CCSER1: variants seen among roughly 807,000 people sequenced by gnomAD.
The protein encoded by CCSER1 is coiled-coil serine rich protein 1, also known as serine-rich coiled-coil domain-containing protein 1.
CCSER1 carries 41 observed loss-of-function variants against 82.0 expected under a neutral mutation model. That is an observed-to-expected ratio of 0.50 (90% CI 0.39 to 0.65). The LOEUF (loss-of-function observed/expected upper bound fraction) is 0.65. CCSER1 is among the 30% of genes least tolerant of loss of function. The pLI, the probability that CCSER1 is intolerant of heterozygous loss-of-function variation, is 0.00. For synonymous variants in CCSER1, 414 were observed against 383.9 expected, an observed-to-expected ratio of 1.08 and a Z score of -0.92; for missense variants, 1,119 against 1,064.2, an observed-to-expected ratio of 1.05 and a Z score of -0.72.
chr4:91,406,073 T>C (rs1203931000), intron 10 of CCSER1, among the ~76,000 whole-genome samples: 4 of 152,112 alleles, frequency 2.6e-5, no homozygotes, highest in Admixed American at 2.6e-4. Flanking sequence ...ATTATTAACA[T>C]AGATAATAAT....
chr4:91,087,895 A>G (rs1723542999), intron 10 of CCSER1, among the ~76,000 whole-genome samples: 1 of 152,128 alleles, frequency 6.6e-6, no homozygotes, highest in Non-Finnish European at 1.5e-5. Flanking sequence ...TTCTAAGATA[A>G]GAAACTTCAG....
At chr4:90,452,652 T>C (rs1319605358) in intron 4 of CCSER1, among the ~76,000 whole-genome samples, 2 of 152,172 alleles carry the variant, frequency 1.3e-5, no homozygotes, top group Non-Finnish European at 2.9e-5. Context: ...CATCTCCTCA[T>C]TGGGAAGTCT....
intron 9 of CCSER1, among the ~76,000 whole-genome samples, chr4:90,975,766 G>A (rs998869100): frequency 9.3e-5 from 14 of 151,204 alleles, no homozygotes; most frequent in African/African-American, 3.4e-4. Context: ...TATTAGCAAT[G>A]TGTTTGTTTA....
At chr4:91,435,569 G>A (rs535147661) in intron 10 of CCSER1, among the ~76,000 whole-genome samples, 5 of 152,094 alleles carry the variant, frequency 3.3e-5, no homozygotes, top group Admixed American at 2.0e-4. Context: ...AAAAGATTTC[G>A]GCACCATCTA....
intron 4 of CCSER1, among the ~76,000 whole-genome samples, chr4:90,416,942 A>C (rs1755891142): frequency 2.0e-5 from 3 of 152,186 alleles, no homozygotes; most frequent in Admixed American, 2.0e-4. Context: ...CAAACTTAAC[A>C]CAGGAACAGA....
At chr4:90,860,185 G>C (rs1409201759) in intron 8 of CCSER1, among the ~76,000 whole-genome samples, 2 of 151,184 alleles carry the variant, frequency 1.3e-5, no homozygotes, top group African/African-American at 4.9e-5. Flanking sequence ...TTTTAAAATG[G>C]GCATACCATT....
rs546776713 is a variant in CCSER1, at chr4:91,604,975, T to A, written c.*5918T>A. ...CCATTTTTAAGGAAAAAATACACCC[T>A]GTATGATACATTCTTAGATATATGG... On this transcript the variant is annotated 3_prime_UTR_variant, in exon 11 of 11. Transcript: ENST00000509176. 1.3e-5 allele frequency: 2 copies of A among 152,080 alleles called. No individual in the cohort carries two copies. Among genetic ancestry groups the A allele is most frequent in the Non-Finnish European group, 2.9e-5 (2 of 67,918 alleles). The allele number at this position is 152,080 out of a possible 1,614,324, so 9.4% of individuals were successfully genotyped here.
intron 10 of CCSER1, among the ~76,000 whole-genome samples, chr4:91,474,043 T>A (rs1322209059): frequency 6.6e-6 from 1 of 152,104 alleles, no homozygotes; most frequent in Non-Finnish European, 1.5e-5. Flanking sequence ...ATGTTCTAGA[T>A]TTTCAGAGTC....
At chr4:90,266,368 T>A (rs559371050) in intron 1 of CCSER1, among the ~76,000 whole-genome samples, 1 of 152,122 alleles carries the variant, frequency 6.6e-6, no homozygotes, top group Non-Finnish European at 1.5e-5. Flanking sequence ...ATTGTTACTC[T>A]CCAGTATGTA....
intron 10 of CCSER1, 102 bp downstream of exon 10, chr4:91,086,096 A>C: frequency 2.8e-6 from 2 of 719,558 alleles, no homozygotes; most frequent in South Asian, 3.4e-5. Flanking sequence ...TTGATAATGG[A>C]AATGGAGATG....
intron 10 of CCSER1, among the ~76,000 whole-genome samples, chr4:91,102,125 A>G (rs1725130428): frequency 6.6e-6 from 1 of 152,074 alleles, no homozygotes; most frequent in South Asian, 2.1e-4. Context: ...TAGCTCTACA[A>G]TTTTTTCACT....
chr4:90,533,084 G>GTTTTTTTT (rs59215370), intron 5 of CCSER1, among the ~76,000 whole-genome samples: 10 of 88,994 alleles, frequency 1.1e-4, no homozygotes, highest in Admixed American at 1.5e-4. Flanking sequence ...ATTTCTGTGG[G>GTTTTTTTT]TTTTTTTTTT....
chr4:90,767,043 C>T (rs1751355375), intron 7 of CCSER1, among the ~76,000 whole-genome samples: 1 of 152,268 alleles, frequency 6.6e-6, no homozygotes, highest in Middle Eastern at 3.4e-3. Context: ...GAACAGTGCC[C>T]AGCTATCTCA....
intron 10 of CCSER1, among the ~76,000 whole-genome samples, chr4:91,307,932 G>T (rs1446800595): frequency 6.6e-6 from 1 of 150,872 alleles, no homozygotes; most frequent in African/African-American, 2.4e-5. Flanking sequence ...AGAGTACACT[G>T]TAATCTTATG....
chr4:91,205,279 G>A (rs867322934), intron 10 of CCSER1, among the ~76,000 whole-genome samples: 11 of 151,832 alleles, frequency 7.2e-5, no homozygotes, highest in East Asian at 1.9e-4. Context: ...TTTAAGCTGT[G>A]TACTGTCTAA....
intron 4 of CCSER1, among the ~76,000 whole-genome samples, chr4:90,439,999 G>GTTATT (rs1759621921): frequency 6.6e-6 from 1 of 151,618 alleles, no homozygotes; most frequent in Non-Finnish European, 1.5e-5. Context: ...GTAATGTTTT[G>GTTATT]TTATTTTATT....
rs80228357 is a variant in CCSER1, at chr4:90,639,746, G to T, written c.1932+11514G>T. On this transcript the variant is annotated intron_variant, in intron 6 of 10. Transcript: ENST00000509176. ...GAGGAGTAACCTGTGCAAGACAGAA[G>T]GAAACAAGAGTTCTATTTTGATCAG... Among the ~76,000 whole-genome samples the T allele has an allele frequency of 1.1e-3, 170 of 152,102 alleles. 2 individuals carry two copies. The East Asian group carries it at 0.023, about 21-fold the overall frequency.
intron 1 of CCSER1, among the ~76,000 whole-genome samples, chr4:90,231,811 A>G (rs1018335306): frequency 6.6e-5 from 10 of 151,586 alleles, no homozygotes; most frequent in African/African-American, 2.4e-4. Context: ...AATCACAAGC[A>G]TTCTTATACA....
chr4:90,492,533 A>G (rs950872490), intron 5 of CCSER1, among the ~76,000 whole-genome samples: 1 of 151,732 alleles, frequency 6.6e-6, no homozygotes, highest in Non-Finnish European at 1.5e-5. Context: ...TTGTGCTCTG[A>G]TCTTAGTTAT....
Sources: allele counts gnomAD v4.1 joint callset (sites outside exome capture counted in the v4.1 genomes callset), GRCh38; gene constraint gnomAD v4.1.1; transcripts MANE v1.5; gene names NCBI Gene and HGNC (gene_info 2026-07-23, HGNC 2026-07-21).